The following CCDC150 variants were observed in gnomAD, a reference collection of about 807,000 sequenced individuals.
CCDC150 encodes the protein coiled-coil domain containing 150.
In CCDC150, 151 loss-of-function variants were observed where a neutral mutation model predicts 156.5. That is an observed-to-expected ratio of 0.97 (90% CI 0.85 to 1.10). The LOEUF (loss-of-function observed/expected upper bound fraction) is 1.10, where lower values mean the gene tolerates loss of function less well. Ranked by LOEUF, CCDC150 falls within the 50% of genes least tolerant of loss-of-function variation. CCDC150 has a pLI of 0.00. For missense variants in CCDC150, 1,312 were observed against 1,268.1 expected, an observed-to-expected ratio of 1.03 and a Z score of -0.53; for synonymous variants, 452 against 429.4, an observed-to-expected ratio of 1.05 and a Z score of -0.65.
intron 21 of CCDC150, among the ~76,000 whole-genome samples, chr2:196,724,790 A>G (rs752687867): frequency 1.2e-4 from 18 of 152,190 alleles, no homozygotes; most frequent in African/African-American, 3.9e-4. Context: ...TTCTCTTTCT[A>G]TATCTCCATG....
At chr2:196,689,761 G>T (rs1462338885) in intron 13 of CCDC150, among the ~76,000 whole-genome samples, 1 of 151,956 alleles carries the variant, frequency 6.6e-6, no homozygotes. Flanking sequence ...TAATTGCCCT[G>T]GCCAGAACTT....
intron 14 of CCDC150, among the ~76,000 whole-genome samples, chr2:196,697,813 G>C (rs1695927189): frequency 6.6e-6 from 1 of 152,162 alleles, no homozygotes; most frequent in South Asian, 2.1e-4. Context: ...AGCTCACCTA[G>C]ATTTAAAAAA....
chr2:196,673,984 C>T (rs11683455), intron 9 of CCDC150, among the ~76,000 whole-genome samples: 117,528 of 152,046 alleles, frequency 0.77, 45,566 homozygotes, highest in East Asian at 0.84. Context: ...TTGTGAAGAA[C>T]AGAAGATCAG....
chr2:196,683,072 G>A (rs1420115117), intron 13 of CCDC150, among the ~76,000 whole-genome samples: 1 of 151,998 alleles, frequency 6.6e-6, no homozygotes, highest in Admixed American at 6.6e-5. Context: ...GAATTGGTGA[G>A]AGCAGACATC....
intron 19 of CCDC150, 197 bp from the exon 20 acceptor site, chr2:196,720,378 T>C (rs1697808389): frequency 3.6e-6 from 2 of 554,774 alleles, no homozygotes; most frequent in South Asian, 2.4e-5. Flanking sequence ...GTGGCTGTTA[T>C]ATGTAGATGC....
chr2:196,646,589 G>A, intron 2 of CCDC150, 85 bp downstream of exon 2: 1 of 960,848 alleles, frequency 1.0e-6, no homozygotes, highest in Non-Finnish European at 1.6e-6. Context: ...AGATGAGATG[G>A]ATATTTGCAA....
At chr2:196,688,441 T>A (rs1695245326) in intron 13 of CCDC150, among the ~76,000 whole-genome samples, 1 of 152,192 alleles carries the variant, frequency 6.6e-6, no homozygotes, top group Non-Finnish European at 1.5e-5. Flanking sequence ...TCTTTGCACA[T>A]TGATTTTGTA....
intron 4 of CCDC150, 89 bp from the exon 5 acceptor site, chr2:196,658,702 GA>G (rs1575769511): frequency 5.5e-6 from 5 of 915,928 alleles, no homozygotes; most frequent in Admixed American, 2.9e-5. Context: ...TAGGTTGCCA[GA>G]AAAAAACCTG....
At chr2:196,681,430 T>C (rs1694814751) in intron 13 of CCDC150, among the ~76,000 whole-genome samples, 1 of 152,238 alleles carries the variant, frequency 6.6e-6, no homozygotes, top group Admixed American at 6.5e-5. Flanking sequence ...TGACTAGTGC[T>C]GCTGTGAACC....
intron 4 of CCDC150, among the ~76,000 whole-genome samples, chr2:196,657,656 C>T (rs1353022093): frequency 6.6e-6 from 1 of 152,098 alleles, no homozygotes; most frequent in Non-Finnish European, 1.5e-5. Flanking sequence ...TTTCAAGGAG[C>T]ACACGCAGAG....
chr2:196,695,067 C>A lies in CCDC150; in HGVS notation c.1531C>A (p.His511Asn). Residue 511 changes from histidine (H) to asparagine (N), a missense_variant, in exon 14 of 28, where the codon CAT (histidine) becomes AAT (asparagine). His to Asn is a moderately conservative substitution (Grantham distance 68). Coordinates refer to ENST00000389175, the MANE Select transcript of CCDC150 (RefSeq NM_001080539.2). ...AAAGGTAGACATAAATACATTAACT[C>A]ATAACCTGCAGACTCTTGAAGAAGA... ...KNKVDINTLT[H>N]NLQTLEEENK... 1 of 1,604,520 alleles carries A rather than the reference C, an allele frequency of 6.2e-7. No homozygotes were observed. The highest frequency in any genetic ancestry group is 1.1e-5 in the South Asian group (1 of 89,770).
At chr2:196,685,778 AT>A (rs569596845) in intron 13 of CCDC150, among the ~76,000 whole-genome samples, 3 of 151,274 alleles carry the variant, frequency 2.0e-5, no homozygotes, top group East Asian at 1.9e-4. Context: ...CGCCTGGCTA[AT>A]TTTTTTTGTA....
intron 13 of CCDC150, among the ~76,000 whole-genome samples, chr2:196,689,529 T>C (rs1345006366): frequency 6.6e-6 from 1 of 152,152 alleles, no homozygotes; most frequent in African/African-American, 2.4e-5. Flanking sequence ...AGTTCAGTCA[T>C]GATTTGGCTC....
chr2:196,709,487 C>G (rs1696924771), intron 15 of CCDC150, among the ~76,000 whole-genome samples: 1 of 152,164 alleles, frequency 6.6e-6, no homozygotes, highest in Admixed American at 6.5e-5. Context: ...TATTACCGAC[C>G]TTCTGAAGTC....
At chr2:196,668,175 G>A (rs1200709077) in intron 7 of CCDC150, among the ~76,000 whole-genome samples, 1 of 151,838 alleles carries the variant, frequency 6.6e-6, no homozygotes, top group Non-Finnish European at 1.5e-5. Flanking sequence ...GCACGCGCCT[G>A]TAGTCCCAGC....
At chr2:196,649,716 C>T (rs138642681) in intron 2 of CCDC150, among the ~76,000 whole-genome samples, 1 of 152,276 alleles carries the variant, frequency 6.6e-6, no homozygotes, top group African/African-American at 2.4e-5. Context: ...ACAGATCTTT[C>T]ACCTCCTTGG....
intron 15 of CCDC150, among the ~76,000 whole-genome samples, chr2:196,707,332 T>G (rs994909150): frequency 2.0e-4 from 30 of 152,336 alleles, no homozygotes; most frequent in Non-Finnish European, 3.5e-4. Context: ...TAGTTTGTAT[T>G]TCTGTGGGAT....
chr2:196,692,533 C>G (rs938608989), intron 13 of CCDC150, among the ~76,000 whole-genome samples: 2 of 152,160 alleles, frequency 1.3e-5, no homozygotes, highest in Admixed American at 6.5e-5. Context: ...TCTCTTTTTT[C>G]TCATTAGTTT....
Position 196,732,529 on chromosome 2 carries a change from C to A in CCDC150, c.3273C>A (p.Pro1091=), listed in dbSNP as rs766293452. 1.4e-4 allele frequency: 230 copies of A among 1,612,404 alleles called. No homozygotes were observed. The highest frequency in any genetic ancestry group is 1.8e-4 in the Non-Finnish European group (213 of 1,178,676). Residue 1091 remains proline (P), a synonymous_variant, in exon 28 of 28, where the codon CCC becomes CCA. Transcript: ENST00000389175. ...GAAAACAGAATCTTAGGCCCATGCC[C>A]AAGAAGTATCATTCTGAGGTACAGA... is the stretch of plus-strand genomic sequence containing the variant. ...WERKQNLRPM[P]KKYHSEVQRK is the part of the protein sequence containing the mutation.
Sources: gnomAD v4.1 joint callset for allele counts (sites outside exome capture counted in the v4.1 genomes callset) on GRCh38, gnomAD v4.1.1 for gene constraint, MANE v1.5 for transcripts, NCBI Gene and HGNC (gene_info 2026-07-23, HGNC 2026-07-21) for gene names.